Variants in FREM2 observed in about 807,000 individuals in gnomAD.
The protein encoded by FREM2 is FRAS1-related extracellular matrix protein 2.
A neutral mutation model predicts 219.9 loss-of-function variants in FREM2; 119 were observed. The observed-to-expected ratio is 0.54, with a 90% CI of 0.47 to 0.63. FREM2 has a LOEUF of 0.63. Among genes scored for constraint, FREM2 ranks in the 30% least tolerant of loss-of-function variants. The pLI is 0.00. For synonymous variants in FREM2, 1,562 were observed against 1,522.8 expected (o/e 1.03, Z -0.60); for missense variants, 4,030 against 3,993.6 (o/e 1.01, Z -0.25).
intron 6 of FREM2, 78 bp from the exon 7 acceptor site, chr13:38,846,495 T>G (rs1877157632): frequency 1.3e-6 from 2 of 1,483,732 alleles, no homozygotes; most frequent in Non-Finnish European, 1.9e-6. Context: ...AAGCACACTC[T>G]TCTTTGGAAG....
intron 16 of FREM2, among the ~76,000 whole-genome samples, chr13:38,871,249 A>G (rs1878146114): frequency 6.6e-6 from 1 of 152,192 alleles, no homozygotes; most frequent in Admixed American, 6.6e-5. Flanking sequence ...TTTTTGTGAC[A>G]TGAGCAGTTT....
intron 6 of FREM2, among the ~76,000 whole-genome samples, chr13:38,817,868 A>G (rs1182074402): frequency 6.6e-6 from 1 of 152,106 alleles, no homozygotes; most frequent in Non-Finnish European, 1.5e-5. Flanking sequence ...AACAATAACA[A>G]TATTAATCAA....
At chr13:38,846,435 A>G (rs991012873) in intron 6 of FREM2, 138 bp from the exon 7 acceptor site, 12 of 793,228 alleles carry the variant, frequency 1.5e-5, no homozygotes, top group Non-Finnish European at 2.5e-5. Flanking sequence ...AAGAGATGTT[A>G]TCTCACTAAA....
chr13:38,880,538 C>T lies in FREM2; in HGVS notation c.9261C>T (p.Ile3087=). 6.2e-7 allele frequency: 1 copy of T among 1,614,166 alleles called. No homozygotes were observed. Among genetic ancestry groups the T allele is most frequent in the Non-Finnish European group, 8.5e-7 (1 of 1,180,010 alleles). ...HIALDRTKRQ[I]PHGRAPPDGI... is the part of the protein sequence containing the mutation. Reference sequence around the variant, plus strand: ...CCCTGGACCGCACCAAGAGGCAGATCCCCCATGGGAGAGCACCTCCAGATG... The same window carrying T: ...CCCTGGACCGCACCAAGAGGCAGATTCCCCATGGGAGAGCACCTCCAGATG... The change falls in exon 24 of 24, where the codon ATC becomes ATT. Residue 3087 remains isoleucine, a synonymous_variant. Transcript: ENST00000280481.
chr13:38,807,206 T>TAGATATATAC (rs2137858428), intron 6 of FREM2, among the ~76,000 whole-genome samples: 1 of 109,558 alleles, frequency 9.1e-6, no homozygotes, highest in Admixed American at 9.3e-5. Context: ...TATATATATA[T>TAGATATATAC]ATATATATAT....
chr13:38,718,673 C>G (rs888871857), intron 2 of FREM2, among the ~76,000 whole-genome samples: 4 of 150,632 alleles, frequency 2.7e-5, no homozygotes, highest in Non-Finnish European at 5.9e-5. Flanking sequence ...AAAAATTACT[C>G]TAATATTTTA....
intron 6 of FREM2, among the ~76,000 whole-genome samples, chr13:38,790,435 T>C (rs1392683134): frequency 6.6e-6 from 1 of 152,188 alleles, no homozygotes; most frequent in Non-Finnish European, 1.5e-5. Flanking sequence ...AAAGAGTTTC[T>C]ATTATATTTG....
At chr13:38,722,950 G>GCCAGGTGCAGTGGCTCCTGCCTATAAC in intron 2 of FREM2, among the ~76,000 whole-genome samples, 1 of 152,166 alleles carries the variant, frequency 6.6e-6, no homozygotes, top group African/African-American at 2.4e-5. Flanking sequence ...CCAGCTGGCA[G>GCCAGGTGCAGTGGCTCCTGCCTATAAC]CCAGGTGCAG....
intron 18 of FREM2, 140 bp from the exon 19 acceptor site, chr13:38,875,873 ATAATTATAC>A: frequency 1.3e-6 from 1 of 764,168 alleles, no homozygotes; most frequent in South Asian, 1.5e-5. Flanking sequence ...CCAGAGGAGG[ATAATTATAC>A]TAACCATGAC....
In FREM2 at chr13:38,691,275, G is replaced by A; in HGVS notation, c.3931G>A (p.Gly1311Arg). 1.2e-6 allele frequency: 2 copies of A among 1,613,736 alleles called. No homozygotes were observed. Among genetic ancestry groups the A allele is most frequent in the Non-Finnish European group, 1.7e-6 (2 of 1,179,734 alleles). ...DETPRMTINN[G>R]LEIEIGDTKI... is the part of the protein sequence containing the mutation. ...GACGCCCAGAATGACTATCAATAAT[G>A]GACTAGAAATAGAAATTGGGGATAC... The change falls in exon 1 of 24, where the codon GGA (glycine) becomes AGA (arginine). Residue 1311 changes from glycine (G) to arginine (R), a missense_variant. Gly to Arg is a moderately radical substitution (Grantham distance 125). This residue lies in a region of FREM2 where 3,102 missense variants were observed against 2,950.7 expected (regional missense o/e 1.05). Coordinates refer to ENST00000280481, the MANE Select transcript of FREM2 (RefSeq NM_207361.6).
intron 2 of FREM2, among the ~76,000 whole-genome samples, chr13:38,748,223 A>C (rs962331292): frequency 1.1e-4 from 16 of 152,348 alleles, no homozygotes; most frequent in Non-Finnish European, 2.2e-4. Context: ...ATATACCAGT[A>C]GTCAGTTGTG....
At chr13:38,819,423 G>A (rs891822772) in intron 6 of FREM2, among the ~76,000 whole-genome samples, 1 of 152,238 alleles carries the variant, frequency 6.6e-6, no homozygotes, top group Non-Finnish European at 1.5e-5. Flanking sequence ...TTACACTGAA[G>A]AATGACCTTT....
intron 2 of FREM2, among the ~76,000 whole-genome samples, chr13:38,712,674 ACAAAC>A (rs1305638253): frequency 2.8e-5 from 4 of 143,342 alleles, no homozygotes; most frequent in Non-Finnish European, 4.7e-5. Flanking sequence ...ACACACACAC[ACAAAC>A]ACACACACAC....
At chr13:38,761,046 A>G (rs1416392624) in intron 2 of FREM2, among the ~76,000 whole-genome samples, 1 of 152,198 alleles carries the variant, frequency 6.6e-6, no homozygotes, top group African/African-American at 2.4e-5. Flanking sequence ...GGAAAGGGTT[A>G]GAATCAAATC....
At chr13:38,748,819 A>G (rs1008876565) in intron 2 of FREM2, among the ~76,000 whole-genome samples, 3 of 152,156 alleles carry the variant, frequency 2.0e-5, no homozygotes, top group African/African-American at 7.2e-5. Context: ...AAATTGTTCA[A>G]CGGAAAAACA....
intron 6 of FREM2, among the ~76,000 whole-genome samples, chr13:38,832,518 A>G (rs866842283): frequency 1.3e-5 from 2 of 152,138 alleles, no homozygotes; most frequent in African/African-American, 2.4e-5. Context: ...TAGTGGTTTA[A>G]CATACATTCT....
At chr13:38,830,218 T>C (rs572439395) in intron 6 of FREM2, among the ~76,000 whole-genome samples, 1 of 152,254 alleles carries the variant, frequency 6.6e-6, no homozygotes, top group South Asian at 2.1e-4. Context: ...CAGAAATCAG[T>C]TGGCAATGGC....
intron 2 of FREM2, among the ~76,000 whole-genome samples, chr13:38,723,101 G>T (rs1226206671): frequency 6.6e-6 from 1 of 152,004 alleles, no homozygotes. Flanking sequence ...TGCATGTGGT[G>T]GTGCCCACCT....
At chr13:38,779,225 CG>C (rs377217584) in intron 4 of FREM2, among the ~76,000 whole-genome samples, 3 of 147,092 alleles carry the variant, frequency 2.0e-5, no homozygotes, top group Non-Finnish European at 4.5e-5. Context: ...TGGGGCTTGT[CG>C]GGGGGTGGAG....
Sources: gnomAD v4.1 joint callset for allele counts (sites outside exome capture counted in the v4.1 genomes callset) on GRCh38, gnomAD v4.1.1 for gene constraint, gnomAD v4.1.1 regional missense constraint, MANE v1.5 for transcripts, NCBI Gene and HGNC (gene_info 2026-07-23, HGNC 2026-07-21) for gene names.